NUBPL: variants seen among roughly 807,000 people sequenced by gnomAD.
NUBPL encodes the protein NUBP iron-sulfur cluster assembly factor, mitochondrial, also known as iron-sulfur cluster transfer protein NUBPL.
NUBPL carries 31 observed loss-of-function variants against 45.7 expected under a neutral mutation model. The ratio of observed to expected loss-of-function variants is 0.68; its 90% CI spans 0.51 to 0.92. The LOEUF is 0.92. NUBPL is among the 40% of genes least tolerant of loss of function. The probability of loss-of-function intolerance (pLI) is 0.00; values close to 1 mark genes in which losing one functional copy is unlikely to be tolerated. For synonymous variants in NUBPL, 144 were observed against 140.9 expected (o/e 1.02, Z -0.15); for missense variants, 401 against 398.7 (o/e 1.01, Z -0.05).
At chr14:31,832,154 A>G (rs994886557) in intron 8 of NUBPL, among the ~76,000 whole-genome samples, 3 of 152,226 alleles carry the variant, frequency 2.0e-5, no homozygotes, top group African/African-American at 7.2e-5. Flanking sequence ...CAGTAGATGA[A>G]CAGATAAGCA....
At chr14:31,695,608 G>A (rs1288749506) in intron 6 of NUBPL, among the ~76,000 whole-genome samples, 1 of 152,076 alleles carries the variant, frequency 6.6e-6, no homozygotes, top group Non-Finnish European at 1.5e-5. Flanking sequence ...TATTACAAGA[G>A]TGTATTGTTG....
chr14:31,602,926 T>C (rs1295484961), intron 4 of NUBPL, among the ~76,000 whole-genome samples: 1 of 152,206 alleles, frequency 6.6e-6, no homozygotes, highest in Non-Finnish European at 1.5e-5. Flanking sequence ...GAAGTAATTT[T>C]TAAATACCTC....
intron 6 of NUBPL, among the ~76,000 whole-genome samples, chr14:31,733,958 A>G (rs1456655453): frequency 6.6e-6 from 1 of 152,096 alleles, no homozygotes; most frequent in Non-Finnish European, 1.5e-5. Context: ...TAGTTTGCTG[A>G]GAGTTGTTAT....
At chr14:31,691,317 T>A (rs1173491819) in intron 6 of NUBPL, among the ~76,000 whole-genome samples, 1 of 152,226 alleles carries the variant, frequency 6.6e-6, no homozygotes, top group Non-Finnish European at 1.5e-5. Flanking sequence ...TTCTCTAGCT[T>A]ACTTTATTGT....
intron 7 of NUBPL, among the ~76,000 whole-genome samples, chr14:31,799,879 G>A (rs1225285147): frequency 6.6e-6 from 1 of 152,174 alleles, no homozygotes; most frequent in Admixed American, 6.5e-5. Context: ...AGGAAAGATA[G>A]CATGTGATGC....
chr14:31,763,710 G>T (rs530804925), intron 6 of NUBPL, among the ~76,000 whole-genome samples: 1 of 152,156 alleles, frequency 6.6e-6, no homozygotes, highest in South Asian at 2.1e-4. Context: ...AATTTTATTT[G>T]CTCATTCATA....
At chr14:31,735,738 G>A (rs2038151839) in intron 6 of NUBPL, among the ~76,000 whole-genome samples, 1 of 152,124 alleles carries the variant, frequency 6.6e-6, no homozygotes, top group Non-Finnish European at 1.5e-5. Context: ...TGTAATCCCA[G>A]CTACTCGGGA....
chr14:31,624,808 G>T (rs145182880), intron 4 of NUBPL, among the ~76,000 whole-genome samples: 10 of 152,210 alleles, frequency 6.6e-5, no homozygotes, highest in Non-Finnish European at 1.5e-4. Flanking sequence ...CAAGTGATCC[G>T]CCTGCCTTGG....
chr14:31,601,889 G>A (rs1247526694), intron 4 of NUBPL, among the ~76,000 whole-genome samples: 1 of 152,140 alleles, frequency 6.6e-6, no homozygotes, highest in Non-Finnish European at 1.5e-5. Flanking sequence ...CCATTACTGG[G>A]TATATACCCA....
At chr14:31,578,103 C>G (rs1375217789) in intron 3 of NUBPL, 2 of 593,096 alleles carry the variant, frequency 3.4e-6, no homozygotes, top group Non-Finnish European at 2.8e-6. Context: ...TCTAAAATGT[C>G]CATAATATTA....
chr14:31,646,194 G>T (rs7147510), intron 4 of NUBPL, among the ~76,000 whole-genome samples: 1 of 151,554 alleles, frequency 6.6e-6, no homozygotes. Context: ...CCCTTCCCCC[G>T]CTTTTTTTTT....
At chr14:31,627,781 A>T (rs1363090890) in intron 4 of NUBPL, among the ~76,000 whole-genome samples, 1 of 151,584 alleles carries the variant, frequency 6.6e-6, no homozygotes. Context: ...AAAAAAAAAA[A>T]AATTATTGAG....
At position 31,788,174 on chromosome 14, in the gene NUBPL, C is replaced by G. The variant is rs146784445; in HGVS notation, c.607+301C>G. 2.0e-3 allele frequency among the ~76,000 whole-genome samples: 303 copies of G among 152,248 alleles called. 1 individual carries two copies. Among genetic ancestry groups the G allele is most frequent in the African/African-American group, 7.0e-3 (289 of 41,542 alleles). On this transcript the variant is annotated intron_variant, in intron 7 of 10. Coordinates refer to ENST00000281081, the MANE Select transcript of NUBPL (RefSeq NM_025152.3). The stretch of plus-strand genomic sequence containing the variant: ...AACAGAGAATTTATTGAAGAAAGTA[C>G]ATGCCAAGAAAGGAGCAGGCTGGAA...
chr14:31,654,504 G>C (rs2036094223), intron 4 of NUBPL, among the ~76,000 whole-genome samples: 1 of 151,848 alleles, frequency 6.6e-6, no homozygotes, highest in Admixed American at 6.6e-5. Flanking sequence ...CGCCTCCTGG[G>C]TTCATGCCAT....
At chr14:31,772,875 C>T (rs1000427244) in intron 6 of NUBPL, among the ~76,000 whole-genome samples, 2 of 152,106 alleles carry the variant, frequency 1.3e-5, no homozygotes, top group African/African-American at 2.4e-5. Flanking sequence ...CTCCCACACC[C>T]TTTTTTCTTT....
intron 6 of NUBPL, among the ~76,000 whole-genome samples, chr14:31,700,623 G>A (rs900254386): frequency 2.6e-5 from 4 of 152,162 alleles, no homozygotes; most frequent in Admixed American, 1.3e-4. Flanking sequence ...CAGGCTCGGC[G>A]GGCCCTGCAC....
chr14:31,829,127 G>C (rs1471035927), intron 8 of NUBPL, among the ~76,000 whole-genome samples: 2 of 152,172 alleles, frequency 1.3e-5, no homozygotes, highest in Non-Finnish European at 2.9e-5. Flanking sequence ...CAAGGTCCAG[G>C]ATGCTGTCAT....
At chr14:31,758,126 A>T (rs555716408) in intron 6 of NUBPL, among the ~76,000 whole-genome samples, 7 of 152,132 alleles carry the variant, frequency 4.6e-5, no homozygotes, top group African/African-American at 1.4e-4. Context: ...ATATTTATTG[A>T]TAGTTTCCAT....
intron 3 of NUBPL, 88 bp from the exon 4 acceptor site, chr14:31,599,201 C>A: frequency 2.1e-6 from 2 of 956,502 alleles, no homozygotes; most frequent in Non-Finnish European, 3.3e-6. Context: ...ATTACTGTTG[C>A]TATATGCTTC....
Sources: gnomAD v4.1 joint callset for allele counts (sites outside exome capture counted in the v4.1 genomes callset) on GRCh38, gnomAD v4.1.1 for gene constraint, MANE v1.5 for transcripts, NCBI Gene and HGNC (gene_info 2026-07-23, HGNC 2026-07-21) for gene names.